Variants in GLIS3 observed in about 807,000 individuals in gnomAD.
The protein encoded by GLIS3 is zinc finger protein GLIS3.
A neutral mutation model predicts 78.6 loss-of-function variants in GLIS3; 53 were observed. The observed-to-expected ratio is 0.67, with a 90% CI of 0.54 to 0.85. GLIS3 has a LOEUF of 0.85. GLIS3 is among the 40% of genes least tolerant of loss of function. The pLI is 0.00. For missense variants in GLIS3, 1,703 were observed against 1,231.1 expected (o/e 1.38, Z -5.74); for synonymous variants, 684 against 509.9 (o/e 1.34, Z -4.60).
chr9:3,953,901 C>G (rs1296616233), intron 4 of GLIS3, among the ~76,000 whole-genome samples: 1 of 151,550 alleles, frequency 6.6e-6, no homozygotes, highest in African/African-American at 2.4e-5. Flanking sequence ...AAAAAGTAAA[C>G]ATGTGGCTTT....
chr9:3,918,931 C>T (rs564836578), intron 6 of GLIS3, among the ~76,000 whole-genome samples: 2 of 152,124 alleles, frequency 1.3e-5, no homozygotes, highest in Non-Finnish European at 2.9e-5. Flanking sequence ...TATAAGACCC[C>T]GGGAAGATCC....
At chr9:4,219,794 G>C (rs1205267661) in intron 2 of GLIS3, among the ~76,000 whole-genome samples, 1 of 152,210 alleles carries the variant, frequency 6.6e-6, no homozygotes, top group Non-Finnish European at 1.5e-5. Flanking sequence ...GGTCCACGCA[G>C]AGCAAAGCAG....
chr9:4,081,886 C>A (rs980887581), intron 4 of GLIS3, among the ~76,000 whole-genome samples: 3 of 152,162 alleles, frequency 2.0e-5, no homozygotes, highest in Non-Finnish European at 4.4e-5. Context: ...TTTGTATTCT[C>A]AAACTTGAAA....
the GLIS3 span, among the ~76,000 whole-genome samples, chr9:4,441,026 C>A: frequency 6.6e-6 from 1 of 151,948 alleles, no homozygotes; most frequent in Non-Finnish European, 1.5e-5. Flanking sequence ...TTACTAAATT[C>A]ATTTATTAGT....
At chr9:3,958,707 A>C (rs953183340) in intron 4 of GLIS3, among the ~76,000 whole-genome samples, 2 of 152,272 alleles carry the variant, frequency 1.3e-5, no homozygotes, top group African/African-American at 4.8e-5. Flanking sequence ...CCATGTAAAC[A>C]AACAAATGCA....
At chr9:4,394,909 C>A in the GLIS3 span, among the ~76,000 whole-genome samples, 1 of 152,306 alleles carries the variant, frequency 6.6e-6, no homozygotes, top group African/African-American at 2.4e-5. Context: ...ATAGCTAGCA[C>A]TATAATTAGC....
chr9:4,436,541 C>T, the GLIS3 span, among the ~76,000 whole-genome samples: 1 of 152,032 alleles, frequency 6.6e-6, no homozygotes, highest in Non-Finnish European at 1.5e-5. Context: ...CTGGGTGGCT[C>T]AGCCTGTAAT....
At chr9:4,083,865 C>G (rs1183240023) in intron 4 of GLIS3, among the ~76,000 whole-genome samples, 1 of 152,208 alleles carries the variant, frequency 6.6e-6, no homozygotes, top group Non-Finnish European at 1.5e-5. Context: ...TCAATAATTT[C>G]TGGTTTCACT....
chr9:3,862,754 C>T (rs1222944851), intron 8 of GLIS3, among the ~76,000 whole-genome samples: 1 of 152,032 alleles, frequency 6.6e-6, no homozygotes, highest in Admixed American at 6.6e-5. Flanking sequence ...TTTTCTTTCC[C>T]TCCGCCCCCC....
At chr9:4,458,220 G>A in the GLIS3 span, among the ~76,000 whole-genome samples, 7 of 152,238 alleles carry the variant, frequency 4.6e-5, no homozygotes, top group Admixed American at 4.6e-4. Context: ...CACAGCTCTA[G>A]AAGGTTAAAT....
intron 2 of GLIS3, among the ~76,000 whole-genome samples, chr9:4,260,628 C>A (rs971654823): frequency 6.6e-6 from 1 of 151,594 alleles, no homozygotes; most frequent in Non-Finnish European, 1.5e-5. Flanking sequence ...TACCTGTAGT[C>A]CCAGCTACTC....
chr9:4,004,637 A>G (rs772076139), intron 4 of GLIS3, among the ~76,000 whole-genome samples: 6 of 152,192 alleles, frequency 3.9e-5, no homozygotes, highest in Non-Finnish European at 8.8e-5. Context: ...GGGCCAGGCC[A>G]CTGAGCAGCT....
chr9:4,271,255 T>C (rs1826481479), intron 2 of GLIS3, among the ~76,000 whole-genome samples: 1 of 152,172 alleles, frequency 6.6e-6, no homozygotes, highest in South Asian at 2.1e-4. Flanking sequence ...GCACACAGTA[T>C]ACAATACATA....
At chr9:4,137,727 G>C (rs1044784019) in intron 2 of GLIS3, among the ~76,000 whole-genome samples, 8 of 152,184 alleles carry the variant, frequency 5.3e-5, no homozygotes, top group Non-Finnish European at 1.2e-4. Flanking sequence ...AGTAGAGAGT[G>C]CTCATGCTGA....
intron 8 of GLIS3, among the ~76,000 whole-genome samples, chr9:3,867,443 C>G (rs1361917176): frequency 6.6e-6 from 1 of 152,128 alleles, no homozygotes; most frequent in Non-Finnish European, 1.5e-5. Context: ...CTGATATTTG[C>G]CAGAGGATGA....
intron 2 of GLIS3, among the ~76,000 whole-genome samples, chr9:4,211,707 G>A (rs1050106345): frequency 7.2e-5 from 11 of 152,232 alleles, no homozygotes; most frequent in Admixed American, 7.2e-4. Flanking sequence ...TCTACTGAAA[G>A]ACTTGTATGT....
intron 6 of GLIS3, among the ~76,000 whole-genome samples, chr9:3,909,941 A>C (rs1205973176): frequency 6.6e-6 from 1 of 152,204 alleles, no homozygotes; most frequent in Non-Finnish European, 1.5e-5. Context: ...ATTTAATTTT[A>C]ATTAAATTTA....
At chr9:4,365,998 T>C in the GLIS3 span, among the ~76,000 whole-genome samples, 3 of 152,112 alleles carry the variant, frequency 2.0e-5, no homozygotes, top group East Asian at 5.8e-4. Context: ...CATTGAAAAG[T>C]GTAGGAAGGA....
intron 4 of GLIS3, among the ~76,000 whole-genome samples, chr9:4,038,984 T>G (rs1276174859): frequency 6.6e-6 from 1 of 152,164 alleles, no homozygotes; most frequent in Non-Finnish European, 1.5e-5. Flanking sequence ...CTATGAACCG[T>G]TGGGTAAAGC....
Sources: allele counts gnomAD v4.1 joint callset (sites outside exome capture counted in the v4.1 genomes callset), GRCh38; gene constraint gnomAD v4.1.1; transcripts MANE v1.5; gene names NCBI Gene and HGNC (gene_info 2026-07-23, HGNC 2026-07-21).